VPS13B: variants seen among roughly 807,000 people sequenced by gnomAD.
VPS13B encodes vacuolar protein sorting 13 homolog B.
In VPS13B, 285 loss-of-function variants were observed where a neutral mutation model predicts 426.4. The observed-to-expected ratio is 0.67, with a 90% CI of 0.61 to 0.74. VPS13B has a LOEUF of 0.74. VPS13B is among the 30% of genes least tolerant of loss of function. VPS13B has a pLI of 0.00. For synonymous variants in VPS13B, 1,676 were observed against 1,676.4 expected (o/e 1.00, Z 0.01); for missense variants, 4,537 against 4,782.6 (o/e 0.95, Z 1.51).
Position 99,835,217 on chromosome 8 carries a change from A to G in VPS13B, c.9635A>G (p.Gln3212Arg). Residue 3212 changes from glutamine to arginine, a missense_variant, in exon 53 of 62, where the codon CAA becomes CGA. Coordinates refer to ENST00000357162, the MANE Select transcript of VPS13B (RefSeq NM_152564.5). ...TCCAGGGCTATAGTGCTGACATATCAAGAACACCTCGGAGTGACTTATTTA... is the reference window on the plus strand; with the variant it reads ...TCCAGGGCTATAGTGCTGACATATCGAGAACACCTCGGAGTGACTTATTTA... ...FCTRAIVLTY[Q>R]EHLGVTYLTL... is the part of the protein sequence containing the mutation. 1 of 1,613,998 alleles carries G rather than the reference A, an allele frequency of 6.2e-7. No homozygotes were observed.
Position 99,817,568 on chromosome 8 carries a change from G to A in VPS13B, c.8126G>A (p.Cys2709Tyr). ...ATCATCTGTGGAAGACAGATCATCT[G>A]TAGTTACTTGTCTCAAAGCATAGAA... ...QIIICGRQIICSYLSQSIELK... is the reference protein window; with the variant it reads ...QIIICGRQIIYSYLSQSIELK... Residue 2709 changes from cysteine to tyrosine, a missense_variant, in exon 45 of 62, where the codon TGT becomes TAT. This residue lies in a region of VPS13B where 4,311 missense variants were observed against 4,474.3 expected (regional missense o/e 0.96). Coordinates refer to ENST00000357162, the MANE Select transcript of VPS13B (RefSeq NM_152564.5). 1 of 1,614,032 alleles carries A rather than the reference G, an allele frequency of 6.2e-7. No individual in the cohort carries two copies. Among genetic ancestry groups the A allele is most frequent in the Non-Finnish European group, 8.5e-7 (1 of 1,179,958 alleles).
chr8:99,615,280 C>T (rs577668873), intron 33 of VPS13B, among the ~76,000 whole-genome samples: 74 of 152,170 alleles, frequency 4.9e-4, no homozygotes, highest in Middle Eastern at 3.4e-3. Flanking sequence ...CAGTATAGTG[C>T]AAAAACCATA....
chr8:99,656,569 C>T (rs1002980940), intron 34 of VPS13B, among the ~76,000 whole-genome samples: 3 of 151,994 alleles, frequency 2.0e-5, no homozygotes, highest in Non-Finnish European at 4.4e-5. Context: ...ATATTGTAGA[C>T]CTGATGATGG....
chr8:99,384,057 A>G (rs1813982442), intron 19 of VPS13B, 151 bp from the exon 20 acceptor site: 12 of 693,706 alleles, frequency 1.7e-5, no homozygotes, highest in South Asian at 8.1e-5. Flanking sequence ...CCTACCAGCA[A>G]TGTATCAGGG....
At chr8:99,697,261 A>T (rs1832063328) in intron 35 of VPS13B, 1 of 585,466 alleles carries the variant, frequency 1.7e-6, no homozygotes, top group East Asian at 3.2e-5. Context: ...ATCCAGCAGG[A>T]GCACCACAAG....
chr8:99,055,033 G>GTTTTTTTTTTTT (rs775826222), intron 3 of VPS13B, among the ~76,000 whole-genome samples: 2 of 109,356 alleles, frequency 1.8e-5, no homozygotes, highest in Non-Finnish European at 1.9e-5. Context: ...TTGTATTTCT[G>GTTTTTTTTTTTT]TTTTTTTTTT....
At chr8:99,547,594 C>T (rs1824056217) in intron 30 of VPS13B, among the ~76,000 whole-genome samples, 1 of 151,912 alleles carries the variant, frequency 6.6e-6, no homozygotes, top group Non-Finnish European at 1.5e-5. Context: ...AAAGGCCTGA[C>T]CCAGACTAAA....
rs936727554 is a variant in VPS13B, at chr8:99,665,800, G to C, written c.6046+4309G>C. On this transcript the variant is annotated intron_variant, in intron 35 of 61. Coordinates refer to ENST00000357162, the MANE Select transcript of VPS13B (RefSeq NM_152564.5). ...TGGCTTAGGATTGACTTGGCGATGC[G>C]GGCTCTTTTTTGGTTCCATATGAAC... 2.6e-5 allele frequency among the ~76,000 whole-genome samples: 4 copies of C among 152,170 alleles called. No homozygotes were observed. In the South Asian group the frequency reaches 8.3e-4, roughly 32 times the overall value.
At chr8:99,686,927 A>G (rs894168029) in intron 35 of VPS13B, among the ~76,000 whole-genome samples, 1 of 151,968 alleles carries the variant, frequency 6.6e-6, no homozygotes, top group Admixed American at 6.6e-5. Flanking sequence ...TCAAGCAGGA[A>G]TCCCTCCCTA....
At chr8:99,383,377 T>C (rs1813936447) in intron 19 of VPS13B, among the ~76,000 whole-genome samples, 1 of 152,168 alleles carries the variant, frequency 6.6e-6, no homozygotes, top group African/African-American at 2.4e-5. Flanking sequence ...TTAGGAATAT[T>C]TTACCTAAAG....
chr8:99,619,037 T>C (rs1476360045), intron 33 of VPS13B, among the ~76,000 whole-genome samples: 3 of 152,194 alleles, frequency 2.0e-5, no homozygotes, highest in Non-Finnish European at 4.4e-5. Context: ...ATAGTTCCTA[T>C]GTACATGTCT....
chr8:99,471,978 G>A (rs1011290450), intron 24 of VPS13B, among the ~76,000 whole-genome samples: 2 of 152,144 alleles, frequency 1.3e-5, no homozygotes, highest in East Asian at 1.9e-4. Context: ...ATAAAGAAAC[G>A]TTATAAATAG....
At chr8:99,695,294 A>C (rs1319198949) in intron 35 of VPS13B, among the ~76,000 whole-genome samples, 2 of 148,742 alleles carry the variant, frequency 1.3e-5, no homozygotes, top group East Asian at 4.0e-4. Flanking sequence ...ACTTGGAACC[A>C]ACCCAAATGT....
chr8:99,457,175 G>A (rs1363805925), intron 23 of VPS13B, among the ~76,000 whole-genome samples: 2 of 152,016 alleles, frequency 1.3e-5, no homozygotes, highest in East Asian at 3.9e-4. Flanking sequence ...ACGATCACAG[G>A]CGCCCACCAA....
At chr8:99,696,638 G>T (rs757237359) in intron 35 of VPS13B, 4 of 694,838 alleles carry the variant, frequency 5.8e-6, no homozygotes, top group Non-Finnish European at 1.1e-5. Context: ...ACCTGGAGCT[G>T]GCAGAGTTCC....
chr8:99,030,573 C>T (rs1435349844), intron 2 of VPS13B, among the ~76,000 whole-genome samples: 1 of 151,970 alleles, frequency 6.6e-6, no homozygotes, highest in Non-Finnish European at 1.5e-5. Context: ...CCACCTGTGA[C>T]ACTGAACTGG....
intron 54 of VPS13B, 98 bp from the exon 55 acceptor site, chr8:99,848,678 T>A: frequency 1.9e-6 from 2 of 1,057,384 alleles, no homozygotes; most frequent in Admixed American, 3.4e-5. Context: ...CAGGAATTGT[T>A]TGTGGTATTG....
chr8:99,420,784 T>C (rs1350817122), intron 21 of VPS13B, among the ~76,000 whole-genome samples: 1 of 152,160 alleles, frequency 6.6e-6, no homozygotes, highest in Non-Finnish European at 1.5e-5. Context: ...TGCCAGGCTC[T>C]AGAAGAAGGA....
At chr8:99,311,168 C>T (rs1386660104) in intron 19 of VPS13B, among the ~76,000 whole-genome samples, 2 of 152,042 alleles carry the variant, frequency 1.3e-5, no homozygotes, top group African/African-American at 4.8e-5. Context: ...TCTCTATTTC[C>T]TTCAGTTCTG....
Sources: gnomAD v4.1 joint callset for allele counts (sites outside exome capture counted in the v4.1 genomes callset) on GRCh38, gnomAD v4.1.1 for gene constraint, gnomAD v4.1.1 regional missense constraint, MANE v1.5 for transcripts, NCBI Gene and HGNC (gene_info 2026-07-23, HGNC 2026-07-21) for gene names.